SUGCT: variants seen among roughly 807,000 people sequenced by gnomAD.
SUGCT encodes the protein succinyl-CoA:glutarate CoA-transferase.
SUGCT carries 41 observed loss-of-function variants against 55.0 expected under a neutral mutation model. That is an observed-to-expected ratio of 0.74 (90% CI 0.58 to 0.97). SUGCT has a LOEUF of 0.97. SUGCT is among the 50% of genes least tolerant of loss of function. SUGCT has a pLI of 0.00. For synonymous variants in SUGCT, 187 were observed against 200.4 expected (o/e 0.93, Z 0.56); for missense variants, 568 against 547.8 (o/e 1.04, Z -0.37).
intron 12 of SUGCT, among the ~76,000 whole-genome samples, chr7:40,653,065 T>C (rs1193587938): frequency 6.6e-6 from 1 of 152,198 alleles, no homozygotes. Flanking sequence ...ATCTCTACCA[T>C]GAAGAGGAGA....
intron 9 of SUGCT, among the ~76,000 whole-genome samples, chr7:40,395,506 A>G (rs1043598089): frequency 1.3e-5 from 2 of 151,264 alleles, no homozygotes; most frequent in East Asian, 1.9e-4. Context: ...AAAAAAAAAA[A>G]AAAAAAAAGA....
At chr7:40,245,498 G>C (rs898819774) in intron 7 of SUGCT, among the ~76,000 whole-genome samples, 19 of 129,492 alleles carry the variant, frequency 1.5e-4, no homozygotes, top group African/African-American at 5.3e-4. Context: ...GGAGTGCAGC[G>C]GCATGATCTC....
intron 12 of SUGCT, among the ~76,000 whole-genome samples, chr7:40,563,619 TG>T (rs987710753): frequency 4.0e-5 from 6 of 150,432 alleles, no homozygotes; most frequent in African/African-American, 9.8e-5. Flanking sequence ...AAGGCCGAGG[TG>T]GGAGGATCAC....
chr7:40,211,201 T>C (rs939710274), intron 6 of SUGCT, among the ~76,000 whole-genome samples: 5 of 151,360 alleles, frequency 3.3e-5, no homozygotes, highest in Non-Finnish European at 5.9e-5. Context: ...CTCAAACTCT[T>C]TTATTGGTTG....
intron 6 of SUGCT, among the ~76,000 whole-genome samples, chr7:40,235,105 G>A (rs969605854): frequency 3.3e-5 from 5 of 151,932 alleles, no homozygotes; most frequent in African/African-American, 1.2e-4. Context: ...GCAGAGACAT[G>A]TTTTAACACC....
chr7:40,964,593 CTTTGCCACGTG>C, the SUGCT span: 1 of 152,194 alleles, frequency 6.6e-6, no homozygotes, highest in Non-Finnish European at 1.5e-5. Context: ...TGAGACGATG[CTTTGCCACGTG>C]TTCCAACCTT....
At chr7:40,467,987 T>C (rs140877966) in intron 11 of SUGCT, among the ~76,000 whole-genome samples, 3 of 150,062 alleles carry the variant, frequency 2.0e-5, no homozygotes, top group African/African-American at 4.9e-5. Context: ...TTTTTTTAAC[T>C]AAAAGAGTAC....
At chr7:40,999,327 T>TA in the SUGCT span, among the ~76,000 whole-genome samples, 25 of 150,962 alleles carry the variant, frequency 1.7e-4, no homozygotes, top group African/African-American at 4.6e-4. Context: ...GACTAAAACT[T>TA]AAAAAAAAAT....
chr7:40,703,529 T>G (rs1159376137), intron 12 of SUGCT, among the ~76,000 whole-genome samples: 1 of 152,118 alleles, frequency 6.6e-6, no homozygotes, highest in Non-Finnish European at 1.5e-5. Context: ...TTAGAGTAGT[T>G]TTGCTGAAAA....
At chr7:40,664,758 A>T (rs1472788749) in intron 12 of SUGCT, among the ~76,000 whole-genome samples, 1 of 152,114 alleles carries the variant, frequency 6.6e-6, no homozygotes, top group Non-Finnish European at 1.5e-5. Context: ...AGGCGGGCAG[A>T]TCACGAGGTC....
chr7:40,195,377 C>T (rs1195095080), intron 6 of SUGCT, among the ~76,000 whole-genome samples: 2 of 151,908 alleles, frequency 1.3e-5, no homozygotes, highest in South Asian at 2.1e-4. Flanking sequence ...CACGCGCCAC[C>T]ACGCCCAGCT....
intron 9 of SUGCT, among the ~76,000 whole-genome samples, chr7:40,347,113 A>G (rs1797356984): frequency 6.6e-6 from 1 of 152,226 alleles, no homozygotes; most frequent in Admixed American, 6.5e-5. Flanking sequence ...TTTGAGGTGC[A>G]TGACAGAGAA....
chr7:40,426,862 G>A (rs766884846), intron 9 of SUGCT, among the ~76,000 whole-genome samples: 24 of 152,022 alleles, frequency 1.6e-4, no homozygotes, highest in Non-Finnish European at 2.8e-4. Flanking sequence ...CACCCAAGTC[G>A]TAGTGCAGTG....
At chr7:40,589,482 A>G (rs1242112787) in intron 12 of SUGCT, among the ~76,000 whole-genome samples, 4 of 152,170 alleles carry the variant, frequency 2.6e-5, no homozygotes, top group Non-Finnish European at 5.9e-5. Flanking sequence ...GTAAAGGACC[A>G]GAAGAGAGCA....
At chr7:40,151,376 A>T (rs1788562112) in intron 1 of SUGCT, among the ~76,000 whole-genome samples, 3 of 152,262 alleles carry the variant, frequency 2.0e-5, no homozygotes, top group Admixed American at 2.0e-4. Context: ...AGCTGAAAGC[A>T]TCTGTGTGGC....
At chr7:40,636,755 A>AAGG (rs1800039730) in intron 12 of SUGCT, among the ~76,000 whole-genome samples, 1 of 152,194 alleles carries the variant, frequency 6.6e-6, no homozygotes, top group Admixed American at 6.5e-5. Flanking sequence ...AAATGCTTAA[A>AAGG]AGGATACATT....
At chr7:40,187,581 C>T (rs78493826) in intron 3 of SUGCT, among the ~76,000 whole-genome samples, 2,219 of 152,242 alleles carry the variant, frequency 0.015, 19 homozygotes, top group Middle Eastern at 0.051. Context: ...TCAGGAAAGC[C>T]TGTAGGCCTC....
chr7:40,240,083 A>G (rs1184838938), intron 7 of SUGCT, among the ~76,000 whole-genome samples: 1 of 152,250 alleles, frequency 6.6e-6, no homozygotes, highest in South Asian at 2.1e-4. Context: ...AGAAGAGTAC[A>G]GGGTGCTATG....
intron 7 of SUGCT, among the ~76,000 whole-genome samples, chr7:40,252,108 T>A (rs1331570459): frequency 6.6e-6 from 1 of 152,136 alleles, no homozygotes; most frequent in Non-Finnish European, 1.5e-5. Flanking sequence ...TATGGTTCTA[T>A]AGATCATATA....
Sources: gnomAD v4.1 joint callset for allele counts (sites outside exome capture counted in the v4.1 genomes callset) on GRCh38, gnomAD v4.1.1 for gene constraint, MANE v1.5 for transcripts, NCBI Gene and HGNC (gene_info 2026-07-23, HGNC 2026-07-21) for gene names.